The following CACNB2 variants were observed in gnomAD, a reference collection of about 807,000 sequenced individuals.
CACNB2 encodes calcium voltage-gated channel auxiliary subunit beta 2.
CACNB2 carries 42 observed loss-of-function variants against 73.3 expected under a neutral mutation model. The observed-to-expected ratio is 0.57, with a 90% CI of 0.45 to 0.74. The LOEUF (loss-of-function observed/expected upper bound fraction) is 0.74, where lower values mean the gene tolerates loss of function less well. Ranked by LOEUF, CACNB2 falls within the 30% of genes least tolerant of loss-of-function variation. The probability of loss-of-function intolerance (pLI) is 0.00; values close to 1 mark genes in which losing one functional copy is unlikely to be tolerated. For missense variants in CACNB2, 940 were observed against 853.0 expected, an observed-to-expected ratio of 1.10 and a Z score of -1.27; for synonymous variants, 348 against 310.3, an observed-to-expected ratio of 1.12 and a Z score of -1.28.
chr10:18,490,424 T>A (rs1316224401), intron 3 of CACNB2, among the ~76,000 whole-genome samples: 1 of 152,194 alleles, frequency 6.6e-6, no homozygotes, highest in Non-Finnish European at 1.5e-5. Context: ...ATTCCTTTTT[T>A]TCTTGGCTTG....
At chr10:18,456,853 C>A (rs1046354850) in intron 3 of CACNB2, among the ~76,000 whole-genome samples, 5 of 152,152 alleles carry the variant, frequency 3.3e-5, no homozygotes, top group Admixed American at 1.3e-4. Context: ...TAATATTCCA[C>A]CGTATGCATA....
intron 2 of CACNB2, among the ~76,000 whole-genome samples, chr10:18,177,384 C>G (rs1342847617): frequency 6.6e-6 from 1 of 151,148 alleles, no homozygotes; most frequent in African/African-American, 2.4e-5. Flanking sequence ...CTTTGGGAGG[C>G]CAAAGTGGGT....
chr10:18,210,871 G>C lies in CACNB2; in HGVS notation c.213+59896G>C, dbSNP rs1451653198. Among the ~76,000 whole-genome samples, 6 of 152,244 alleles carry C rather than the reference G, an allele frequency of 3.9e-5. No individual in the cohort carries two copies. In the East Asian group the frequency reaches 9.7e-4, roughly 25 times the overall value. ...TGGAGTGGTAGTTGATAAGCGTATGGCTTTTGGACTCAGAATATGAGTACA... is the reference window on the plus strand; with the variant it reads ...TGGAGTGGTAGTTGATAAGCGTATGCCTTTTGGACTCAGAATATGAGTACA... On this transcript the variant is annotated intron_variant, in intron 2 of 13. Coordinates refer to ENST00000324631, the MANE Select transcript of CACNB2 (RefSeq NM_201596.3).
chr10:18,530,942 G>C lies in CACNB2; in HGVS notation c.1055-3134G>C, dbSNP rs556465772. ...ACTTTGATATGTGGCAGTGGGAACA[G>C]AGAGGCAGAATTTACTGAGCCTGGG... On this transcript the variant is annotated intron_variant, in intron 10 of 13. Transcript: ENST00000324631. 5.3e-5 allele frequency among the ~76,000 whole-genome samples: 8 copies of C among 152,360 alleles called. No individual in the cohort carries two copies. The East Asian group carries it at 1.3e-3, about 26-fold the overall frequency.
intron 3 of CACNB2, among the ~76,000 whole-genome samples, chr10:18,422,621 G>A (rs1029728338): frequency 1.3e-5 from 2 of 152,070 alleles, no homozygotes; most frequent in African/African-American, 4.8e-5. Context: ...ACAGCATATT[G>A]GGTTATTTGT....
intron 3 of CACNB2, among the ~76,000 whole-genome samples, chr10:18,436,958 A>C (rs957671423): frequency 1.3e-5 from 2 of 152,164 alleles, no homozygotes; most frequent in Non-Finnish European, 2.9e-5. Context: ...CCATTACTTT[A>C]TTTTGAACAA....
At chr10:18,166,168 C>T (rs1273438684) in intron 2 of CACNB2, among the ~76,000 whole-genome samples, 1 of 152,124 alleles carries the variant, frequency 6.6e-6, no homozygotes, top group Admixed American at 6.5e-5. Context: ...ATAAGTATTT[C>T]TAGGATAAAT....
intron 2 of CACNB2, among the ~76,000 whole-genome samples, chr10:18,390,045 G>T (rs2132440909): frequency 6.6e-6 from 1 of 152,318 alleles, no homozygotes; most frequent in African/African-American, 2.4e-5. Flanking sequence ...TTTCACAAGT[G>T]TGTAGTTCCC....
chr10:18,443,263 G>A lies in CACNB2; in HGVS notation c.333+41220G>A, dbSNP rs555879799. Among the ~76,000 whole-genome samples, 164 of 151,996 alleles carry A rather than the reference G, an allele frequency of 1.1e-3. 1 individual carries two copies. Among genetic ancestry groups the A allele is most frequent in the Middle Eastern group, 6.8e-3 (2 of 294 alleles). The stretch of plus-strand genomic sequence containing the variant: ...TGGGTCTGTGCAAACGAGGGCCAGT[G>A]AGAAACACCCTAGTGTCCTAACTGA... On this transcript the variant is annotated intron_variant, in intron 3 of 13. Transcript: ENST00000324631.
intron 3 of CACNB2, among the ~76,000 whole-genome samples, chr10:18,402,297 A>G (rs906584785): frequency 7.9e-5 from 12 of 152,088 alleles, no homozygotes; most frequent in African/African-American, 2.7e-4. Flanking sequence ...ATTTGGACAC[A>G]TACAAAAGGA....
chr10:18,247,365 T>A (rs987289635), intron 2 of CACNB2, among the ~76,000 whole-genome samples: 1 of 152,150 alleles, frequency 6.6e-6, no homozygotes, highest in African/African-American at 2.4e-5. Context: ...CAATTCCCAA[T>A]AAAGGACCAT....
At chr10:18,309,383 A>G (rs2039872186) in intron 2 of CACNB2, among the ~76,000 whole-genome samples, 1 of 152,216 alleles carries the variant, frequency 6.6e-6, no homozygotes, top group African/African-American at 2.4e-5. Flanking sequence ...ATGAGAACAC[A>G]GGTGGTTGGG....
intron 3 of CACNB2, among the ~76,000 whole-genome samples, chr10:18,425,576 G>A (rs533566151): frequency 6.9e-4 from 105 of 152,256 alleles, no homozygotes; most frequent in African/African-American, 2.3e-3. Context: ...GCTGAGTTGG[G>A]GGGGTTGCTT....
At chr10:18,462,252 G>C (rs927848990) in intron 3 of CACNB2, among the ~76,000 whole-genome samples, 9 of 152,144 alleles carry the variant, frequency 5.9e-5, no homozygotes, top group Admixed American at 3.9e-4. Context: ...TAGGAGCGCT[G>C]GTTGGTTGAT....
rs1261623584 is a variant in CACNB2, at chr10:18,541,743, T to G, written c.*2019T>G. 6.6e-6 allele frequency: 1 copy of G among 152,038 alleles called. No individual in the cohort carries two copies. Among genetic ancestry groups the G allele is most frequent in the African/African-American group, 2.4e-5 (1 of 41,330 alleles). 9.4% of individuals were successfully genotyped at this position (152,038 alleles called of 1,614,324 possible). A position where few individuals can be genotyped will look rare whatever the true frequency, so the allele number is the denominator to read the frequency against. On this transcript the variant is annotated 3_prime_UTR_variant, in exon 14 of 14. Coordinates refer to ENST00000324631, the MANE Select transcript of CACNB2 (RefSeq NM_201596.3). ...CAGGTGTGGTGGTGCACACCTGTAATCCCAGCTACTTGGGAGGCTGAGGCA... is the reference window on the plus strand; with the variant it reads ...CAGGTGTGGTGGTGCACACCTGTAAGCCCAGCTACTTGGGAGGCTGAGGCA...
intron 3 of CACNB2, among the ~76,000 whole-genome samples, chr10:18,442,764 G>A (rs1365623127): frequency 6.6e-6 from 1 of 150,580 alleles, no homozygotes; most frequent in African/African-American, 2.4e-5. Flanking sequence ...ATCGGAGGTT[G>A]CAGTGAGCCG....
intron 2 of CACNB2, among the ~76,000 whole-genome samples, chr10:18,294,699 G>A (rs978479438): frequency 3.3e-5 from 5 of 152,214 alleles, no homozygotes; most frequent in African/African-American, 1.2e-4. Flanking sequence ...TCCCTGCAAA[G>A]GAAAAATGCT....
intron 2 of CACNB2, among the ~76,000 whole-genome samples, chr10:18,307,983 C>CTTTTTTTATTTTTTTTTT (rs2039804166): frequency 1.4e-5 from 1 of 70,268 alleles, no homozygotes; most frequent in Non-Finnish European, 2.7e-5. Flanking sequence ...TATATGCCAA[C>CTTTTTTTATTTTTTTTTT]TTTTTTTTTT....
chr10:18,427,859 T>G (rs1252868647), intron 3 of CACNB2, among the ~76,000 whole-genome samples: 1 of 152,138 alleles, frequency 6.6e-6, no homozygotes, highest in African/African-American at 2.4e-5. Context: ...TATATATTTT[T>G]GAATAATTCT....
Sources: gnomAD v4.1 joint callset for allele counts (sites outside exome capture counted in the v4.1 genomes callset) on GRCh38, gnomAD v4.1.1 for gene constraint, MANE v1.5 for transcripts, NCBI Gene and HGNC (gene_info 2026-07-23, HGNC 2026-07-21) for gene names.